KANK1: variants seen among roughly 807,000 people sequenced by gnomAD.
KANK1 encodes KN motif and ankyrin repeat domain-containing protein 1.
In KANK1, 109 loss-of-function variants were observed where a neutral mutation model predicts 106.2. The observed-to-expected ratio is 1.03, with a 90% CI of 0.88 to 1.20. The LOEUF (loss-of-function observed/expected upper bound fraction) is 1.20. Among genes scored for constraint, KANK1 ranks in the 50% most tolerant of loss-of-function variants. The pLI is 0.00. For missense variants in KANK1, 2,399 were observed against 1,710.7 expected (o/e 1.40, Z -7.10); for synonymous variants, 873 against 652.2 (o/e 1.34, Z -5.16).
At chr9:593,426 G>T (rs902665753) in intron 1 of KANK1, among the ~76,000 whole-genome samples, 2 of 149,506 alleles carry the variant, frequency 1.3e-5, no homozygotes, top group African/African-American at 5.0e-5. Flanking sequence ...TTTATGCTTA[G>T]TGGATATATT....
chr9:726,055 A>T (rs952067182), intron 3 of KANK1, among the ~76,000 whole-genome samples: 5 of 152,226 alleles, frequency 3.3e-5, no homozygotes, highest in African/African-American at 1.2e-4. Context: ...ATATCCTTCC[A>T]TGATTTTTCT....
chr9:647,222 T>A (rs1388540224), intron 1 of KANK1, among the ~76,000 whole-genome samples: 1 of 150,358 alleles, frequency 6.7e-6, no homozygotes, highest in Non-Finnish European at 1.5e-5. Flanking sequence ...ATTACTTTAT[T>A]TACTTGATTA....
At chr9:637,436 G>A (rs1837409320) in intron 1 of KANK1, among the ~76,000 whole-genome samples, 1 of 152,154 alleles carries the variant, frequency 6.6e-6, no homozygotes, top group South Asian at 2.1e-4. Context: ...GATGTCATAA[G>A]TAGTGTTTCT....
At chr9:481,551 C>A (rs978828921) in intron 3 of KANK1, among the ~76,000 whole-genome samples, 4 of 152,090 alleles carry the variant, frequency 2.6e-5, no homozygotes, top group African/African-American at 9.7e-5. Context: ...TCAGAAAACT[C>A]AAAACTACTT....
chr9:582,715 T>A (rs1822480718), intron 1 of KANK1, among the ~76,000 whole-genome samples: 1 of 152,252 alleles, frequency 6.6e-6, no homozygotes, highest in South Asian at 2.1e-4. Context: ...AATAAAAATA[T>A]GCTGTCTTGA....
intron 1 of KANK1, among the ~76,000 whole-genome samples, chr9:661,611 A>G (rs1237913966): frequency 2.6e-5 from 4 of 152,042 alleles, no homozygotes; most frequent in Non-Finnish European, 4.4e-5. Flanking sequence ...TTATAGCAGC[A>G]TGATTTATAA....
chr9:692,099 A>G (rs928112191), intron 2 of KANK1, among the ~76,000 whole-genome samples: 3 of 70,534 alleles, frequency 4.3e-5, no homozygotes, highest in African/African-American at 7.7e-5. Flanking sequence ...GTAAAATTCA[A>G]AACGGGACAG....
chr9:691,370 C>G (rs979522909), intron 2 of KANK1, among the ~76,000 whole-genome samples: 1 of 150,944 alleles, frequency 6.6e-6, no homozygotes, highest in Non-Finnish European at 1.5e-5. Flanking sequence ...AAGAACAAGT[C>G]TTTTGATAGT....
chr9:631,618 A>G (rs927618210), intron 1 of KANK1, among the ~76,000 whole-genome samples: 1 of 152,220 alleles, frequency 6.6e-6, no homozygotes, highest in African/African-American at 2.4e-5. Flanking sequence ...ACTGAAAACT[A>G]ACCCAATATG....
At chr9:679,262 T>G (rs1817029875) in intron 2 of KANK1, among the ~76,000 whole-genome samples, 1 of 152,132 alleles carries the variant, frequency 6.6e-6, no homozygotes, top group African/African-American at 2.4e-5. Context: ...GCAAATCTAA[T>G]TAGAGACTCA....
chr9:490,688 T>C (rs1345110557), intron 3 of KANK1, among the ~76,000 whole-genome samples: 1 of 152,176 alleles, frequency 6.6e-6, no homozygotes, highest in East Asian at 1.9e-4. Flanking sequence ...ACTCTGATAT[T>C]GGCAAAAATA....
At chr9:517,899 C>T (rs1928417) in intron 1 of KANK1, among the ~76,000 whole-genome samples, 40 of 150,984 alleles carry the variant, frequency 2.6e-4, no homozygotes, top group East Asian at 1.4e-3. Context: ...CACCATGCCT[C>T]GCTAATTTTT....
At chr9:719,728 C>G (rs981327486) in intron 3 of KANK1, among the ~76,000 whole-genome samples, 2 of 152,086 alleles carry the variant, frequency 1.3e-5, no homozygotes, top group Non-Finnish European at 2.9e-5. Context: ...ACCCATTCAG[C>G]TCTAGTTTTG....
At chr9:659,155 A>T (rs1842775922) in intron 1 of KANK1, among the ~76,000 whole-genome samples, 1 of 152,222 alleles carries the variant, frequency 6.6e-6, no homozygotes. Flanking sequence ...TGCCTATTAC[A>T]TGCTGAGTTC....
chr9:682,419 T>A (rs1402264224), intron 2 of KANK1, among the ~76,000 whole-genome samples: 1 of 152,226 alleles, frequency 6.6e-6, no homozygotes, highest in Non-Finnish European at 1.5e-5. Context: ...CTAACAAACT[T>A]AAACACAGTT....
Position 676,955 on chromosome 9 carries a change from CA to C in KANK1, c.-17del. On this transcript the variant is annotated 5_prime_UTR_variant, in exon 2 of 12. Coordinates refer to ENST00000382297, the MANE Select transcript of KANK1 (RefSeq NM_015158.5). ...ACTCCTCACTCCTTTCTGGATCTCT[CA>C]TTGGACTCAAGCCAGCATGGCTCAC... The C allele has an allele frequency of 6.2e-7, 1 of 1,612,264 alleles. No individual in the cohort carries two copies. The highest frequency in any genetic ancestry group is 8.5e-7 in the Non-Finnish European group (1 of 1,178,696).
intron 1 of KANK1, among the ~76,000 whole-genome samples, chr9:641,072 G>A (rs1331915663): frequency 1.3e-5 from 2 of 152,110 alleles, no homozygotes; most frequent in East Asian, 3.9e-4. Context: ...TTAAATAGAT[G>A]CTGCCAAGAG....
Position 526,394 on chromosome 9 carries a change from A to G in KANK1, c.-84+21640A>G, listed in dbSNP as rs150301146. Among the ~76,000 whole-genome samples the G allele has an allele frequency of 5.8e-4, 88 of 151,710 alleles. 2 individuals carry two copies. The highest frequency in any genetic ancestry group is 2.1e-3 in the African/African-American group (86 of 41,050). ...AGACCATCATTGGTTCTCATATGGG[A>G]AAAACCCTTGAATATTGGCTCTAGG... On this transcript the variant is annotated intron_variant, in intron 1 of 11. Transcript: ENST00000382297.
intron 3 of KANK1, among the ~76,000 whole-genome samples, chr9:496,940 T>C (rs1391933103): frequency 6.6e-6 from 1 of 152,150 alleles, no homozygotes; most frequent in African/African-American, 2.4e-5. Context: ...ATAGTAACAA[T>C]GATATAATAA....
Sources: allele counts gnomAD v4.1 joint callset (sites outside exome capture counted in the v4.1 genomes callset), GRCh38; gene constraint gnomAD v4.1.1; transcripts MANE v1.5; gene names NCBI Gene and HGNC (gene_info 2026-07-23, HGNC 2026-07-21).